Variants in PPHLN1 observed in about 807,000 individuals in gnomAD.
The protein encoded by PPHLN1 is periphilin 1, also known as periphilin-1.
Under a neutral mutation model 51.3 loss-of-function variants are expected in PPHLN1, and 29 were observed. The ratio of observed to expected loss-of-function variants is 0.57; its 90% CI spans 0.42 to 0.77. PPHLN1 has a LOEUF of 0.77. Ranked by LOEUF, PPHLN1 falls within the 30% of genes least tolerant of loss-of-function variation. The pLI, the probability that PPHLN1 is intolerant of heterozygous loss-of-function variation, is 0.00. For synonymous variants in PPHLN1, 147 were observed against 147.8 expected, an observed-to-expected ratio of 0.99 and a Z score of 0.04; for missense variants, 436 against 438.4, an observed-to-expected ratio of 0.99 and a Z score of 0.05.
At chr12:42,379,503 T>A (rs192205967) in intron 5 of PPHLN1, among the ~76,000 whole-genome samples, 1 of 152,118 alleles carries the variant, frequency 6.6e-6, no homozygotes, top group Admixed American at 6.5e-5. Context: ...CTTTTATTTG[T>A]CATGGTTTCC....
At chr12:42,445,091 G>A (rs995372978), downstream of PPHLN1, 1 of 702,218 alleles carries the variant, frequency 1.4e-6, no homozygotes, top group African/African-American at 1.7e-5. Context: ...AGCCGGCCCT[G>A]TGTGCCTTTT....
At chr12:42,409,692 GT>G (rs1376403587) in intron 9 of PPHLN1, among the ~76,000 whole-genome samples, 3 of 150,908 alleles carry the variant, frequency 2.0e-5, no homozygotes, top group Non-Finnish European at 4.4e-5. Flanking sequence ...CTGCTTTAAG[GT>G]TTTTTTTTCT....
intron 2 of PPHLN1, 96 bp from the exon 3 acceptor site, chr12:42,351,789 C>A (rs903486080): frequency 5.2e-6 from 5 of 959,726 alleles, no homozygotes; most frequent in Non-Finnish European, 7.3e-6. Flanking sequence ...TTAGCTCATT[C>A]GATTAAGGGT....
Position 42,416,152 on chromosome 12 carries a change from G to A in PPHLN1, c.909+17158G>A, listed in dbSNP as rs118059274. On this transcript the variant is annotated intron_variant, in intron 9 of 9. Transcript: ENST00000358314. ...TAGTGTGGGTAAAATCATCTTACATGTGTATTTTTAAAATCTCGCCTCCTG... is the reference window on the plus strand; with the variant it reads ...TAGTGTGGGTAAAATCATCTTACATATGTATTTTTAAAATCTCGCCTCCTG... Among the ~76,000 whole-genome samples the A allele has an allele frequency of 1.9e-3, 287 of 152,260 alleles. 5 individuals are homozygous for A. In the East Asian group the frequency reaches 0.037, roughly 20 times the overall value.
intron 2 of PPHLN1, among the ~76,000 whole-genome samples, chr12:42,350,982 G>A (rs911258669): frequency 1.3e-5 from 2 of 151,906 alleles, no homozygotes; most frequent in African/African-American, 2.4e-5. Context: ...GGGAGAGGGG[G>A]AGACCATGGC....
At chr12:42,420,424 G>A (rs2080884294) in intron 9 of PPHLN1, among the ~76,000 whole-genome samples, 4 of 150,964 alleles carry the variant, frequency 2.6e-5, no homozygotes, top group Non-Finnish European at 5.9e-5. Flanking sequence ...ATTGTTTTCT[G>A]GCAGAAATTG....
intron 9 of PPHLN1, among the ~76,000 whole-genome samples, chr12:42,411,681 G>A (rs2079844417): frequency 6.6e-6 from 1 of 151,684 alleles, no homozygotes; most frequent in Non-Finnish European, 1.5e-5. Context: ...GAGGCGGGTG[G>A]ATCACCTGAG....
chr12:42,356,938 A>G (rs886215458), intron 4 of PPHLN1, among the ~76,000 whole-genome samples: 14 of 152,264 alleles, frequency 9.2e-5, no homozygotes, highest in Non-Finnish European at 5.9e-5. Context: ...AGGAAAGTCT[A>G]TAGACTGTAA....
chr12:42,388,891 A>G (rs1386898713), intron 7 of PPHLN1, among the ~76,000 whole-genome samples: 1 of 152,212 alleles, frequency 6.6e-6, no homozygotes, highest in Non-Finnish European at 1.5e-5. Flanking sequence ...GCAGTGAGCT[A>G]TGATTGCACC....
At chr12:42,436,406 C>G (rs146439130) in intron 9 of PPHLN1, among the ~76,000 whole-genome samples, 2 of 152,344 alleles carry the variant, frequency 1.3e-5, no homozygotes, top group African/African-American at 4.8e-5. Flanking sequence ...TAAAATCAAT[C>G]TCTTCCTCAC....
intron 1 of PPHLN1, among the ~76,000 whole-genome samples, chr12:42,334,557 C>A (rs1197413531): frequency 6.6e-6 from 1 of 152,156 alleles, no homozygotes; most frequent in African/African-American, 2.4e-5. Context: ...AATGGAGTAG[C>A]TATCTGTTTG....
At chr12:42,432,933 GTGT>G (rs1219623958) in intron 9 of PPHLN1, 23 of 1,251,670 alleles carry the variant, frequency 1.8e-5, no homozygotes, top group Admixed American at 1.2e-4. Context: ...GTCATTAGCT[GTGT>G]TGTTTCTGGA....
At chr12:42,335,315 T>A (rs1565734463) in intron 1 of PPHLN1, among the ~76,000 whole-genome samples, 1 of 152,142 alleles carries the variant, frequency 6.6e-6, no homozygotes, top group African/African-American at 2.4e-5. Context: ...TTTATAGCGT[T>A]AAAAAAATCA....
intron 9 of PPHLN1, among the ~76,000 whole-genome samples, chr12:42,428,501 T>G (rs993209963): frequency 2.0e-5 from 3 of 152,126 alleles, no homozygotes; most frequent in Admixed American, 6.5e-5. Context: ...CTAAGTGAAG[T>G]CACTAACTCA....
At chr12:42,393,949 A>G (rs913298762) in intron 8 of PPHLN1, among the ~76,000 whole-genome samples, 4 of 152,060 alleles carry the variant, frequency 2.6e-5, no homozygotes, top group Admixed American at 2.0e-4. Context: ...CGTTATTTAT[A>G]TACTTCTTTT....
intron 2 of PPHLN1, among the ~76,000 whole-genome samples, chr12:42,340,169 A>G (rs910579155): frequency 6.6e-6 from 1 of 151,882 alleles, no homozygotes; most frequent in African/African-American, 2.4e-5. Flanking sequence ...TTAGCCATGC[A>G]TAGTAGCGCA....
At chr12:42,332,745 C>T in intron 1 of PPHLN1, 1 of 1,218,740 alleles carries the variant, frequency 8.2e-7, no homozygotes, top group Non-Finnish European at 1.2e-6. Flanking sequence ...GTTATTGTTA[C>T]ATTTTTTGTG....
chr12:42,446,777 C>T (rs375910991), downstream of PPHLN1: 3 of 829,108 alleles, frequency 3.6e-6, no homozygotes, highest in Non-Finnish European at 1.8e-6. Flanking sequence ...TTTTCCAAAG[C>T]TTCAGGAGAG....
chr12:42,339,342 A>G (rs937577523), intron 2 of PPHLN1, among the ~76,000 whole-genome samples: 2 of 151,764 alleles, frequency 1.3e-5, no homozygotes, highest in East Asian at 1.9e-4. Context: ...CTGTATATCC[A>G]TATCCCTCCT....
Sources: gnomAD v4.1 joint callset for allele counts (sites outside exome capture counted in the v4.1 genomes callset) on GRCh38, gnomAD v4.1.1 for gene constraint, MANE v1.5 for transcripts, NCBI Gene and HGNC (gene_info 2026-07-23, HGNC 2026-07-21) for gene names.